The following COL24A1 variants were observed in gnomAD, a reference collection of about 807,000 sequenced individuals.
COL24A1 encodes collagen alpha-1(XXIV) chain.
In COL24A1, 224 loss-of-function variants were observed where a neutral mutation model predicts 253.9. That is an observed-to-expected ratio of 0.88 (90% CI 0.79 to 0.99). COL24A1 has a LOEUF of 0.99. Ranked by LOEUF, COL24A1 falls within the 50% of genes least tolerant of loss-of-function variation. The pLI is 0.00. For synonymous variants in COL24A1, 685 were observed against 673.7 expected (o/e 1.02, Z -0.26); for missense variants, 2,131 against 2,068.5 (o/e 1.03, Z -0.59).
chr1:85,810,003 T>C (rs313743), intron 47 of COL24A1, among the ~76,000 whole-genome samples: 60,768 of 151,430 alleles, frequency 0.4, 13,134 homozygotes, highest in East Asian at 0.58. Flanking sequence ...TTCTACTTTC[T>C]ATCTCTCTGA....
intron 19 of COL24A1, among the ~76,000 whole-genome samples, chr1:86,016,108 C>T (rs1466276762): frequency 2.0e-5 from 3 of 151,640 alleles, no homozygotes; most frequent in Non-Finnish European, 4.4e-5. Flanking sequence ...CTCCTGGACT[C>T]AAGGCGATCC....
chr1:85,823,127 T>C (rs1673836664), intron 45 of COL24A1, among the ~76,000 whole-genome samples: 1 of 152,208 alleles, frequency 6.6e-6, no homozygotes, highest in Admixed American at 6.5e-5. Flanking sequence ...TTCCTTACCA[T>C]GCTTTAACAA....
At chr1:86,022,188 C>T in intron 18 of COL24A1, 52 bp downstream of exon 18, 2 of 1,477,638 alleles carry the variant, frequency 1.4e-6, no homozygotes, top group Non-Finnish European at 1.9e-6. Flanking sequence ...AGACTCATGC[C>T]ATGACATGCA....
At chr1:86,083,024 A>G (rs1012349432) in intron 7 of COL24A1, among the ~76,000 whole-genome samples, 20 of 152,108 alleles carry the variant, frequency 1.3e-4, no homozygotes, top group Non-Finnish European at 1.8e-4. Flanking sequence ...CTGGCCGGGC[A>G]CGGTGGCTCA....
At chr1:85,994,110 T>G (rs944750791) in intron 19 of COL24A1, among the ~76,000 whole-genome samples, 4 of 151,916 alleles carry the variant, frequency 2.6e-5, no homozygotes, top group African/African-American at 9.7e-5. Context: ...CACAGCATAG[T>G]TTGGCTTAAA....
In COL24A1 at chr1:85,776,635, GATA is replaced by G. The variant is rs544191139; in HGVS notation, c.4339-929_4339-927del. Among the ~76,000 whole-genome samples the G allele has an allele frequency of 2.5e-3, 381 of 151,764 alleles. 5 individuals are homozygous for G. Among genetic ancestry groups the G allele is most frequent in the Non-Finnish European group, 1.9e-4 (13 of 67,890 alleles). On this transcript the variant is annotated intron_variant, in intron 52 of 59. Coordinates refer to ENST00000370571, the MANE Select transcript of COL24A1 (RefSeq NM_152890.7). Reference sequence around the variant, plus strand: ...TCTTACCTAGTATTTAATATACTATGATAATATTTTAAATTTGCTATTATTAGA... The same window carrying G: ...TCTTACCTAGTATTTAATATACTATGATATTTTAAATTTGCTATTATTAGA...
rs142543517 is a variant in COL24A1, at chr1:85,992,610, G to C, written c.2311-4956C>G. ...AAGCTTACAGATTGAAAAATAAAAAGTACGTCATTAGAGTCCATACTTTTC... is the reference window on the plus strand; with the variant it reads ...AAGCTTACAGATTGAAAAATAAAAACTACGTCATTAGAGTCCATACTTTTC... On this transcript the variant is annotated intron_variant, in intron 19 of 59. Transcript: ENST00000370571. Among the ~76,000 whole-genome samples, 13 of 152,014 alleles carry C rather than the reference G, an allele frequency of 8.6e-5. No individual in the cohort carries two copies. The East Asian group carries it at 2.3e-3, about 27-fold the overall frequency.
intron 37 of COL24A1, among the ~76,000 whole-genome samples, chr1:85,865,855 T>C (rs550076919): frequency 2.5e-4 from 38 of 152,238 alleles, no homozygotes; most frequent in African/African-American, 8.9e-4. Context: ...CTGACACTAA[T>C]GGAAGAGGGA....
intron 7 of COL24A1, among the ~76,000 whole-genome samples, chr1:86,077,596 C>G (rs568207620): frequency 1.2e-4 from 18 of 152,046 alleles, no homozygotes; most frequent in Non-Finnish European, 2.2e-4. Flanking sequence ...CGCAAATGCC[C>G]ATCAATGATA....
intron 24 of COL24A1, among the ~76,000 whole-genome samples, chr1:85,914,032 AT>A (rs1307094691): frequency 1.3e-5 from 2 of 152,178 alleles, no homozygotes; most frequent in Admixed American, 1.3e-4. Flanking sequence ...CAGAGCCCTC[AT>A]GACCTAATCA....
chr1:85,871,193 A>G (rs533410367), intron 35 of COL24A1, among the ~76,000 whole-genome samples: 1 of 152,262 alleles, frequency 6.6e-6, no homozygotes, highest in African/African-American at 2.4e-5. Flanking sequence ...CTCTAAATTG[A>G]GTCAATAATT....
chr1:85,823,835 AG>A (rs1179474671), intron 43 of COL24A1, 97 bp from the exon 44 acceptor site: 2 of 1,070,960 alleles, frequency 1.9e-6, no homozygotes, highest in African/African-American at 1.6e-5. Context: ...AGTGTTGCAA[AG>A]CTCAACTTAA....
At position 86,126,203 on chromosome 1, in the gene COL24A1, G is replaced by T; in HGVS notation, c.133C>A (p.Leu45Ile). The T allele has an allele frequency of 6.9e-6, 11 of 1,587,490 alleles. No homozygotes were observed. Among genetic ancestry groups the T allele is most frequent in the Non-Finnish European group, 9.4e-6 (11 of 1,173,082 alleles). The part of the protein sequence containing the change: ...VHAQEQGIDI[L>I]HQLGLGGKDV... ...TTGCCTCCAAGGCCTAGTTGATGAA[G>T]AATATCTATGCCTGGAAATTTAAAA... is the stretch of plus-strand genomic sequence containing the variant. Residue 45 changes from leucine to isoleucine, a missense_variant, in exon 3 of 60, where the codon CTT becomes ATT. Transcript: ENST00000370571.
chr1:86,004,392 A>G (rs77218022), intron 19 of COL24A1, among the ~76,000 whole-genome samples: 27,632 of 152,132 alleles, frequency 0.18, 3,194 homozygotes, highest in African/African-American at 0.32. Context: ...ACATTGAAGG[A>G]GGGGCAAGGA....
Position 85,929,921 on chromosome 1 carries a change from C to T in COL24A1, c.2563-18488G>A, listed in dbSNP as rs1250534296. On this transcript the variant is annotated intron_variant, in intron 24 of 59. Coordinates refer to ENST00000370571, the MANE Select transcript of COL24A1 (RefSeq NM_152890.7). ...ACACCACATACCAGAATCTCTGGGA[C>T]GCATTCAAAGCAGTGTGTAGAGGGA... Among the ~76,000 whole-genome samples, 674 of 93,528 alleles carry T rather than the reference C, an allele frequency of 7.2e-3. 6 individuals are homozygous for T. The highest frequency in any genetic ancestry group is 0.026 in the African/African-American group (589 of 22,390). 61.4% of individuals were successfully genotyped at this position (93,528 alleles called of 152,430 possible).
At chr1:85,940,739 CA>C (rs1383532710) in intron 24 of COL24A1, among the ~76,000 whole-genome samples, 7 of 152,062 alleles carry the variant, frequency 4.6e-5, no homozygotes, top group Non-Finnish European at 7.4e-5. Flanking sequence ...ACTCTTGGAT[CA>C]AAAATGTAGT....
chr1:85,782,617 T>C (rs1669252296), intron 51 of COL24A1, among the ~76,000 whole-genome samples: 1 of 152,256 alleles, frequency 6.6e-6, no homozygotes, highest in African/African-American at 2.4e-5. Flanking sequence ...TTTTGCATTA[T>C]TGACAACAAT....
intron 37 of COL24A1, among the ~76,000 whole-genome samples, chr1:85,856,029 T>C (rs1043336737): frequency 2.6e-5 from 4 of 152,146 alleles, no homozygotes; most frequent in African/African-American, 9.7e-5. Context: ...TCCGTGGTAT[T>C]GATGGTAACA....
chr1:86,082,767 G>A (rs1702747307), intron 7 of COL24A1, among the ~76,000 whole-genome samples: 1 of 148,830 alleles, frequency 6.7e-6, no homozygotes, highest in African/African-American at 2.5e-5. Flanking sequence ...TTTTGTATAG[G>A]TTACATATCC....
Sources: allele counts gnomAD v4.1 joint callset (sites outside exome capture counted in the v4.1 genomes callset), GRCh38; gene constraint gnomAD v4.1.1; transcripts MANE v1.5; gene names NCBI Gene and HGNC (gene_info 2026-07-23, HGNC 2026-07-21).